MBNL2: variants seen among roughly 807,000 people sequenced by gnomAD.
The protein encoded by MBNL2 is muscleblind-like protein 2.
MBNL2 carries 17 observed loss-of-function variants against 41.9 expected under a neutral mutation model. The ratio of observed to expected loss-of-function variants is 0.41; its 90% CI spans 0.28 to 0.61. The LOEUF (loss-of-function observed/expected upper bound fraction) is 0.61. Ranked by LOEUF, MBNL2 falls within the 20% of genes least tolerant of loss-of-function variation. MBNL2 has a pLI of 0.35. For missense variants in MBNL2, 336 were observed against 505.6 expected (o/e 0.66, Z 3.22); for synonymous variants, 195 against 182.9 (o/e 1.07, Z -0.53).
chr13:97,267,710 T>A (rs1035122643), intron 1 of MBNL2, among the ~76,000 whole-genome samples: 6 of 152,214 alleles, frequency 3.9e-5, no homozygotes, highest in South Asian at 2.1e-4. Context: ...GAAGGAAGTC[T>A]TAGCTGAAAC....
intron 1 of MBNL2, among the ~76,000 whole-genome samples, chr13:97,237,005 C>T (rs1361268089): frequency 6.6e-6 from 1 of 152,082 alleles, no homozygotes; most frequent in Non-Finnish European, 1.5e-5. Context: ...AAGCCCTTTG[C>T]CCTTTTCTGG....
chr13:97,354,076 C>T (rs2062763423), intron 5 of MBNL2, among the ~76,000 whole-genome samples: 1 of 151,368 alleles, frequency 6.6e-6, no homozygotes, highest in South Asian at 2.1e-4. Flanking sequence ...CCCATAGGAC[C>T]TCTTCTGACT....
chr13:97,367,509 C>A lies in MBNL2; in HGVS notation c.1048+2338C>A, dbSNP rs369871776. On this transcript the variant is annotated intron_variant, in intron 8 of 8. Coordinates refer to ENST00000679496, the MANE Select transcript of MBNL2 (RefSeq NM_001382683.1). ...AGGGATAAAAGAAATTAGGGGAAAT[C>A]GTGTTGGGGGATCACGGCAGTCCCA... Among the ~76,000 whole-genome samples, 26 of 152,260 alleles carry A rather than the reference C, an allele frequency of 1.7e-4. 1 individual carries two copies. Among genetic ancestry groups the A allele is most frequent in the African/African-American group, 6.0e-4 (25 of 41,546 alleles).
At chr13:97,218,420 A>AAAAACAAAAC (rs369390369), upstream of MBNL2, among the ~76,000 whole-genome samples, 24,158 of 114,938 alleles carry the variant, frequency 0.21, 2,853 homozygotes, top group East Asian at 0.44. Flanking sequence ...AAAAAAAAAC[A>AAAAACAAAAC]AAAACAAAAC....
At position 97,250,132 on chromosome 13, in the gene MBNL2, GA is replaced by G. The variant is rs1233359486; in HGVS notation, c.-604-25498del. On this transcript the variant is annotated intron_variant, in intron 1 of 8. Transcript: ENST00000679496. ...TTCTTTATTTCTTTTTTCTCTCCAGGAACACCAATAATTCTTAGGTTGAATC... is the reference window on the plus strand; with the variant it reads ...TTCTTTATTTCTTTTTTCTCTCCAGGACACCAATAATTCTTAGGTTGAATC... Among the ~76,000 whole-genome samples, 3 of 151,928 alleles carry G rather than the reference GA, an allele frequency of 2.0e-5. No individual in the cohort carries two copies. In the East Asian group the frequency reaches 5.8e-4, roughly 29 times the overall value.
chr13:97,391,368 T>C lies in MBNL2; in HGVS notation c.1095T>C (p.Ser365=). 6.3e-7 allele frequency: 1 copy of C among 1,589,990 alleles called. No homozygotes were observed. The part of the protein sequence containing the change: ...ISRNGMECQE[S]ALRITKHCYC... ...GAAACGGAATGGAATGCCAAGAATC[T>C]GCATTGAGAATAACTAAACATTGTT... Residue 365 remains serine (S), a synonymous_variant, in exon 9 of 9, where the codon TCT becomes TCC. Coordinates refer to ENST00000679496, the MANE Select transcript of MBNL2 (RefSeq NM_001382683.1).
intron 1 of MBNL2, among the ~76,000 whole-genome samples, chr13:97,261,424 T>C (rs1337971957): frequency 1.3e-5 from 2 of 152,162 alleles, no homozygotes; most frequent in African/African-American, 4.8e-5. Context: ...CCTCCATGTG[T>C]ACTAGCCTCA....
At chr13:97,370,725 G>T (rs2064291636) in intron 8 of MBNL2, among the ~76,000 whole-genome samples, 1 of 151,650 alleles carries the variant, frequency 6.6e-6, no homozygotes, top group Admixed American at 6.6e-5. Flanking sequence ...TATTATTTCA[G>T]TGTAATAAAA....
At chr13:97,259,850 C>T (rs955394773) in intron 1 of MBNL2, among the ~76,000 whole-genome samples, 14 of 152,228 alleles carry the variant, frequency 9.2e-5, no homozygotes, top group African/African-American at 3.1e-4. Context: ...ACCATGAAGG[C>T]GGGCACAGAC....
At chr13:97,335,546 C>T (rs66473447) in intron 3 of MBNL2, among the ~76,000 whole-genome samples, 15,823 of 152,026 alleles carry the variant, frequency 0.1, 948 homozygotes, top group East Asian at 0.17. Context: ...TGTCTCCAGG[C>T]TTCTGTACAG....
At chr13:97,205,204 A>T in the MBNL2 span, among the ~76,000 whole-genome samples, 3 of 144,068 alleles carry the variant, frequency 2.1e-5, no homozygotes, top group African/African-American at 7.8e-5. Flanking sequence ...AAATATATAA[A>T]TTATTTATAT....
At chr13:97,297,492 G>A (rs906598274) in intron 2 of MBNL2, among the ~76,000 whole-genome samples, 5 of 152,074 alleles carry the variant, frequency 3.3e-5, no homozygotes, top group African/African-American at 1.2e-4. Context: ...GAATTGGGGT[G>A]GGAATGGGTA....
chr13:97,320,688 T>C (rs2059427809), intron 2 of MBNL2, among the ~76,000 whole-genome samples: 1 of 151,778 alleles, frequency 6.6e-6, no homozygotes, highest in Non-Finnish European at 1.5e-5. Flanking sequence ...CCGAGGTGGG[T>C]GGATCACCTG....
At chr13:97,226,080 G>A (rs767910411) in intron 1 of MBNL2, among the ~76,000 whole-genome samples, 4 of 151,260 alleles carry the variant, frequency 2.6e-5, no homozygotes, top group African/African-American at 7.3e-5. Context: ...GATAATATTC[G>A]TAGTAAAGAG....
At chr13:97,336,733 A>G (rs766370464) in intron 3 of MBNL2, among the ~76,000 whole-genome samples, 11 of 152,214 alleles carry the variant, frequency 7.2e-5, no homozygotes, top group Admixed American at 2.0e-4. Flanking sequence ...CTCCAGGACT[A>G]TAAAGGGATA....
Position 97,233,126 on chromosome 13 carries a change from CATATATATAT to C in MBNL2, c.-605+10636_-605+10645del, listed in dbSNP as rs376967986. On this transcript the variant is annotated intron_variant, in intron 1 of 8. Coordinates refer to ENST00000679496, the MANE Select transcript of MBNL2 (RefSeq NM_001382683.1). Reference sequence around the variant, plus strand: ...GATGCTCTCGCTTCAGGCTCTTTTTCATATATATATATATATATATATATATATATATATA... The same window carrying C: ...GATGCTCTCGCTTCAGGCTCTTTTTCATATATATATATATATATATATATA... Among the ~76,000 whole-genome samples the C allele has an allele frequency of 4.7e-3, 187 of 39,762 alleles. 1 individual carries two copies. The highest frequency in any genetic ancestry group is 9.0e-3 in the African/African-American group (93 of 10,292). The allele number at this position is 39,762 out of a possible 152,430, so 26.1% of individuals were successfully genotyped here.
the MBNL2 span, among the ~76,000 whole-genome samples, chr13:97,204,393 C>A: frequency 1.3e-5 from 2 of 152,092 alleles, no homozygotes; most frequent in Non-Finnish European, 2.9e-5. Flanking sequence ...TCTAAAATAA[C>A]AAAACATCCA....
intron 1 of MBNL2, among the ~76,000 whole-genome samples, chr13:97,254,866 G>A (rs906563605): frequency 8.5e-5 from 13 of 152,254 alleles, no homozygotes; most frequent in Middle Eastern, 3.4e-3. Context: ...GGTACTCTTG[G>A]GTGGCCCTGA....
intron 1 of MBNL2, among the ~76,000 whole-genome samples, chr13:97,260,678 C>T (rs527592390): frequency 6.6e-6 from 1 of 152,244 alleles, no homozygotes; most frequent in Admixed American, 6.5e-5. Flanking sequence ...ACACAAATGT[C>T]ACTGTCTAGT....
Sources: allele counts gnomAD v4.1 joint callset (sites outside exome capture counted in the v4.1 genomes callset), GRCh38; gene constraint gnomAD v4.1.1; transcripts MANE v1.5; gene names NCBI Gene and HGNC (gene_info 2026-07-23, HGNC 2026-07-21).